Variants in DDX55 observed in about 807,000 individuals in gnomAD.
The protein encoded by DDX55 is ATP-dependent RNA helicase DDX55.
In DDX55, 56 loss-of-function variants were observed where a neutral mutation model predicts 69.2. The observed-to-expected ratio is 0.81, with a 90% CI of 0.65 to 1.01. The LOEUF (loss-of-function observed/expected upper bound fraction) is 1.01, where lower values mean the gene tolerates loss of function less well. Among genes scored for constraint, DDX55 ranks in the 50% least tolerant of loss-of-function variants. The pLI is 0.00. For synonymous variants in DDX55, 268 were observed against 273.1 expected (o/e 0.98, Z 0.18); for missense variants, 720 against 745.1 (o/e 0.97, Z 0.39).
At position 123,619,521 on chromosome 12, in the gene DDX55, G is replaced by C. The variant is rs1380005008; in HGVS notation, c.1423G>C (p.Val475Leu). ...ELRGKQFPDF[V>L]PVDVNTDTIP... ...GAGAGGAAAGCAGTTTCCAGATTTTGTGCCCGTGGACGTTAATACCGACAC... is the reference window on the plus strand; with the variant it reads ...GAGAGGAAAGCAGTTTCCAGATTTTCTGCCCGTGGACGTTAATACCGACAC... Residue 475 changes from valine (V) to leucine (L), a missense_variant, in exon 13 of 14, where the codon GTG becomes CTG. Coordinates refer to ENST00000238146, the MANE Select transcript of DDX55 (RefSeq NM_020936.3). The C allele has an allele frequency of 6.2e-7, 1 of 1,613,842 alleles. No homozygotes were observed. The highest frequency in any genetic ancestry group is 2.2e-5 in the East Asian group (1 of 44,892).
intron 11 of DDX55, 43 bp from the exon 12 acceptor site, chr12:123,618,626 G>A: frequency 6.3e-7 from 1 of 1,592,188 alleles, no homozygotes; most frequent in Non-Finnish European, 8.6e-7. Flanking sequence ...GGGATATGAT[G>A]CCAGCCAGGG....
rs1250271717 is a variant in DDX55 at position 123,607,512 on chromosome 12, C to T, written c.327C>T (p.Phe109=). The T allele has an allele frequency of 1.9e-6, 3 of 1,614,038 alleles. No homozygotes were observed. Among genetic ancestry groups the T allele is most frequent in the African/African-American group, 1.3e-5 (1 of 74,914 alleles). The part of the protein sequence containing the change: ...DEVLSHFTKH[F]PEFSQILWIG... ...TCCTGTCGCATTTCACGAAGCACTT[C>T]CCCGAGTTCAGGTGAATTGGATGCA... Residue 109 remains phenylalanine, a synonymous_variant, in exon 4 of 14, where the codon TTC becomes TTT. Coordinates refer to ENST00000238146, the MANE Select transcript of DDX55 (RefSeq NM_020936.3).
chr12:123,616,612 C>G lies in DDX55; in HGVS notation c.1049+9C>G. The G allele has an allele frequency of 6.2e-7, 1 of 1,612,924 alleles. No homozygotes were observed. The highest frequency in any genetic ancestry group is 8.5e-7 in the Non-Finnish European group (1 of 1,178,974). ...CCTCCCAGCAATGCAAGGTATGGTA[C>G]GAGGCTGCCACCCACTCTCTGTTGA... is the stretch of plus-strand genomic sequence containing the variant. On this transcript the variant is annotated intron_variant, in intron 10 of 13. Coordinates refer to ENST00000238146, the MANE Select transcript of DDX55 (RefSeq NM_020936.3).
chr12:123,605,692 G>T, intron 1 of DDX55: 1 of 623,994 alleles, frequency 1.6e-6, no homozygotes, highest in East Asian at 3.0e-5. Flanking sequence ...AAGTAGGAGC[G>T]ACAGGGCTAG....
At chr12:123,608,460 G>A (rs1429425993) in intron 5 of DDX55, 1 of 476,672 alleles carries the variant, frequency 2.1e-6, no homozygotes, top group South Asian at 3.9e-5. Context: ...GGGAGCTGGA[G>A]TTTGCCAACC....
At chr12:123,607,886 C>T (rs148877389) in intron 5 of DDX55, 66 of 600,208 alleles carry the variant, frequency 1.1e-4, no homozygotes, top group Admixed American at 3.3e-4. Flanking sequence ...GTCAAGAGAA[C>T]GACGTGAAGA....
chr12:123,613,438 C>T (rs554155680), intron 8 of DDX55, among the ~76,000 whole-genome samples, 186 bp downstream of exon 8: 3 of 152,264 alleles, frequency 2.0e-5, no homozygotes, highest in East Asian at 1.9e-4. Context: ...CGTAAAAAGT[C>T]GTCCAAAGGC....
At chr12:123,615,463 A>G in intron 9 of DDX55, 147 bp downstream of exon 9, 6 of 1,220,872 alleles carry the variant, frequency 4.9e-6, no homozygotes, top group African/African-American at 1.5e-5. Context: ...TGGTTATCAC[A>G]TCTCTGTAAA....
intron 3 of DDX55, among the ~76,000 whole-genome samples, chr12:123,606,780 T>C (rs1337242570): frequency 6.6e-6 from 1 of 152,052 alleles, no homozygotes; most frequent in African/African-American, 2.4e-5. Context: ...TTTGACATGT[T>C]ACCCAGGCTG....
chr12:123,616,474 GCCT>G (rs766546977), intron 9 of DDX55, 34 bp from the exon 10 acceptor site: 1 of 1,592,010 alleles, frequency 6.3e-7, no homozygotes, highest in South Asian at 1.1e-5. Flanking sequence ...GAAGATGGTG[GCCT>G]CCTTACTCAG....
intron 8 of DDX55, among the ~76,000 whole-genome samples, chr12:123,613,939 C>T (rs892756652): frequency 7.2e-5 from 11 of 151,982 alleles, no homozygotes; most frequent in Non-Finnish European, 1.6e-4. Flanking sequence ...TTCTTTTCCC[C>T]TTTTCTCCAG....
intron 5 of DDX55, 123 bp downstream of exon 5, chr12:123,607,785 T>A: frequency 7.2e-7 from 1 of 1,385,176 alleles, no homozygotes; most frequent in Non-Finnish European, 1.0e-6. Flanking sequence ...TGCAAAAAGG[T>A]GTTTTCTCCA....
rs746737191 is a variant in DDX55 at position 123,613,249 on chromosome 12, TC to T, written c.822del (p.Phe274LeufsTer18). 4 of 1,614,030 alleles carry T rather than the reference TC, an allele frequency of 2.5e-6. No individual in the cohort carries two copies. Among genetic ancestry groups the T allele is most frequent in the Admixed American group, 3.3e-5 (2 of 60,004 alleles). On this transcript the variant is annotated frameshift_variant and splice_region_variant, in exon 8 of 14. Coordinates refer to ENST00000238146, the MANE Select transcript of DDX55 (RefSeq NM_020936.3). LOFTEE classifies it high-confidence loss of function. ...NHKQEKHLVF[F>X]STCACVEYYG... is the part of the protein sequence containing the mutation. ...AAGCAGGAGAAACACCTGGTCTTCT[TC>T]AGGTACTCCTCTGGTCTCTGTGGTA... is the stretch of plus-strand genomic sequence containing the variant.
At chr12:123,616,882 G>A (rs1238015442) in intron 10 of DDX55, 6 of 360,160 alleles carry the variant, frequency 1.7e-5, no homozygotes, top group South Asian at 1.0e-4. Flanking sequence ...GGCTGGGCGC[G>A]GTGGCTCACG....
chr12:123,619,396 T>C (rs1954977813), intron 12 of DDX55, 36 bp from the exon 13 acceptor site: 2 of 1,584,582 alleles, frequency 1.3e-6, no homozygotes, highest in Admixed American at 3.8e-5. Context: ...TCTAATCCTG[T>C]TGAGTGCGCT....
At chr12:123,616,733 C>T (rs917956069) in intron 10 of DDX55, 130 bp downstream of exon 10, 2 of 946,518 alleles carry the variant, frequency 2.1e-6, no homozygotes, top group Non-Finnish European at 3.4e-6. Flanking sequence ...GTGCTTGGGT[C>T]TGCAGTGACC....
At position 123,613,258 on chromosome 12, in the gene DDX55, C is replaced by A; in HGVS notation, c.824+6C>A. 1 of 1,613,924 alleles carries A rather than the reference C, an allele frequency of 6.2e-7. No homozygotes were observed. On this transcript the variant is annotated splice_donor_region_variant and intron_variant, in intron 8 of 13. Coordinates refer to ENST00000238146, the MANE Select transcript of DDX55 (RefSeq NM_020936.3). Reference sequence around the variant, plus strand: ...AAACACCTGGTCTTCTTCAGGTACTCCTCTGGTCTCTGTGGTAGAGGCATC... The same window carrying A: ...AAACACCTGGTCTTCTTCAGGTACTACTCTGGTCTCTGTGGTAGAGGCATC...
At chr12:123,602,277 G>A in intron 1 of DDX55, 21 bp downstream of exon 1, 1 of 1,536,302 alleles carries the variant, frequency 6.5e-7, no homozygotes, top group East Asian at 2.4e-5. Flanking sequence ...CCTGGCGTGG[G>A]GGAGTGAGGC....
chr12:123,616,626 ACT>A lies in DDX55; in HGVS notation c.1049+28_1049+29del, dbSNP rs1230707265. 44 of 1,607,094 alleles carry A rather than the reference ACT, an allele frequency of 2.7e-5. No homozygotes were observed. The East Asian group carries it at 9.6e-4, about 35-fold the overall frequency. On this transcript the variant is annotated intron_variant, in intron 10 of 13. Transcript: ENST00000238146. ...AAGGTATGGTACGAGGCTGCCACCC[ACT>A]CTCTGTTGAGGAATTTAGCCTAATA...
Sources: gnomAD v4.1 joint callset for allele counts (sites outside exome capture counted in the v4.1 genomes callset) on GRCh38, gnomAD v4.1.1 for gene constraint, MANE v1.5 for transcripts, NCBI Gene and HGNC (gene_info 2026-07-23, HGNC 2026-07-21) for gene names.